Variants in FGGY observed in about 807,000 individuals in gnomAD.
FGGY encodes the protein FGGY carbohydrate kinase domain-containing protein.
Under a neutral mutation model 71.3 loss-of-function variants are expected in FGGY, and 72 were observed. The ratio of observed to expected loss-of-function variants is 1.01; its 90% CI spans 0.84 to 1.23. The LOEUF (loss-of-function observed/expected upper bound fraction) is 1.23, where lower values mean the gene tolerates loss of function less well. FGGY is among the 50% of genes most tolerant of loss of function. The probability of loss-of-function intolerance (pLI) is 0.00; values close to 1 mark genes in which losing one functional copy is unlikely to be tolerated. For synonymous variants in FGGY, 251 were observed against 250.3 expected (o/e 1.00, Z -0.02); for missense variants, 668 against 682.3 (o/e 0.98, Z 0.23).
intron 9 of FGGY, among the ~76,000 whole-genome samples, chr1:59,618,115 G>A (rs376959399): frequency 1.4e-3 from 217 of 152,112 alleles, no homozygotes; most frequent in African/African-American, 5.1e-3. Context: ...CCAAGAATAC[G>A]GTCACTCCAG....
chr1:59,531,551 C>G (rs1322904125), intron 7 of FGGY, among the ~76,000 whole-genome samples: 1 of 152,182 alleles, frequency 6.6e-6, no homozygotes, highest in Non-Finnish European at 1.5e-5. Flanking sequence ...CTGGGTTCAA[C>G]ATTTCCACCC....
chr1:59,664,355 C>CTT (rs2097304572), intron 12 of FGGY, among the ~76,000 whole-genome samples: 1 of 152,230 alleles, frequency 6.6e-6, no homozygotes, highest in Non-Finnish European at 1.5e-5. Flanking sequence ...AACCGCCAGA[C>CTT]TGAGTGGGAA....
At chr1:59,410,104 T>A (rs2063384478) in intron 5 of FGGY, among the ~76,000 whole-genome samples, 1 of 152,224 alleles carries the variant, frequency 6.6e-6, no homozygotes, top group African/African-American at 2.4e-5. Flanking sequence ...ATAGACATGG[T>A]AGATATGTGG....
chr1:59,497,170 A>G (rs1437223856), intron 6 of FGGY, among the ~76,000 whole-genome samples: 1 of 152,232 alleles, frequency 6.6e-6, no homozygotes, highest in Non-Finnish European at 1.5e-5. Context: ...AAACACAGAT[A>G]TGTAGACCCA....
At chr1:59,517,269 T>TC (rs2094686618) in intron 7 of FGGY, among the ~76,000 whole-genome samples, 1 of 135,160 alleles carries the variant, frequency 7.4e-6, no homozygotes, top group Non-Finnish European at 1.6e-5. Context: ...TTTTTTTTTT[T>TC]TTTTTTTTTT....
intron 8 of FGGY, among the ~76,000 whole-genome samples, chr1:59,558,487 G>A (rs2095730467): frequency 1.3e-5 from 2 of 152,078 alleles, no homozygotes; most frequent in Admixed American, 6.5e-5. Context: ...TTTTATTAAG[G>A]ATTTCAAAAG....
chr1:59,599,749 C>T (rs2096559398), intron 8 of FGGY, among the ~76,000 whole-genome samples: 1 of 150,554 alleles, frequency 6.6e-6, no homozygotes, highest in Non-Finnish European at 1.5e-5. Flanking sequence ...AGAGGGAGTG[C>T]CCTCTAATCA....
chr1:59,688,195 ACTC>A (rs1168357091), intron 14 of FGGY, among the ~76,000 whole-genome samples: 2 of 152,118 alleles, frequency 1.3e-5, no homozygotes, highest in African/African-American at 2.4e-5. Flanking sequence ...AGGAATAGGA[ACTC>A]CTCTTTCTTG....
At chr1:59,457,823 GA>G (rs1398161744) in intron 6 of FGGY, among the ~76,000 whole-genome samples, 1 of 152,190 alleles carries the variant, frequency 6.6e-6, no homozygotes, top group Admixed American at 6.5e-5. Flanking sequence ...GAAAAAAGCA[GA>G]AACTAGAACG....
intron 11 of FGGY, among the ~76,000 whole-genome samples, chr1:59,646,576 A>G (rs912942546): frequency 1.3e-5 from 2 of 151,448 alleles, no homozygotes; most frequent in Non-Finnish European, 2.9e-5. Flanking sequence ...AAATATATAT[A>G]TTTTACTGAA....
At chr1:59,702,318 A>T (rs541775839) in intron 14 of FGGY, among the ~76,000 whole-genome samples, 3 of 152,302 alleles carry the variant, frequency 2.0e-5, no homozygotes, top group African/African-American at 7.2e-5. Context: ...CACTATTCCA[A>T]ATTCTGCCCA....
At chr1:59,445,286 A>G (rs1046362381) in intron 5 of FGGY, among the ~76,000 whole-genome samples, 2 of 152,170 alleles carry the variant, frequency 1.3e-5, no homozygotes, top group African/African-American at 2.4e-5. Context: ...CCCTGGGCAC[A>G]TGCAGTTCTT....
chr1:59,333,964 C>G (rs1248302602), intron 2 of FGGY, among the ~76,000 whole-genome samples: 1 of 152,092 alleles, frequency 6.6e-6, no homozygotes, highest in Non-Finnish European at 1.5e-5. Context: ...GGATGAGTCT[C>G]TTGGGCAACA....
At chr1:59,568,992 G>GAA (rs540746042) in intron 8 of FGGY, among the ~76,000 whole-genome samples, 1 of 150,386 alleles carries the variant, frequency 6.6e-6, no homozygotes, top group Non-Finnish European at 1.5e-5. Context: ...AAAATACTCA[G>GAA]AAAAAAAAAG....
intron 4 of FGGY, among the ~76,000 whole-genome samples, chr1:59,370,004 C>A (rs901502203): frequency 1.3e-5 from 2 of 152,108 alleles, no homozygotes; most frequent in Non-Finnish European, 2.9e-5. Flanking sequence ...AAAAGCAGAG[C>A]CCCTCTCCTC....
chr1:59,603,298 A>G (rs1319310113), intron 8 of FGGY, among the ~76,000 whole-genome samples: 1 of 152,198 alleles, frequency 6.6e-6, no homozygotes, highest in African/African-American at 2.4e-5. Context: ...AAGTGTTAGC[A>G]TCTGAAAATA....
At chr1:59,314,645 G>A (rs910018072) in intron 1 of FGGY, among the ~76,000 whole-genome samples, 3 of 152,178 alleles carry the variant, frequency 2.0e-5, no homozygotes, top group Admixed American at 6.5e-5. Context: ...AGAATATGGT[G>A]ACCCTGATAT....
At chr1:59,682,241 G>A (rs1008191333) in intron 14 of FGGY, among the ~76,000 whole-genome samples, 1 of 152,196 alleles carries the variant, frequency 6.6e-6, no homozygotes, top group African/African-American at 2.4e-5. Flanking sequence ...CCAAACCAAA[G>A]ACTGTTCAGC....
At chr1:59,702,352 T>C (rs2097716941) in intron 14 of FGGY, among the ~76,000 whole-genome samples, 1 of 152,174 alleles carries the variant, frequency 6.6e-6, no homozygotes, top group Non-Finnish European at 1.5e-5. Context: ...GGCAGACTCA[T>C]ATGGAGACCT....
Sources: allele counts gnomAD v4.1 joint callset (sites outside exome capture counted in the v4.1 genomes callset), GRCh38; gene constraint gnomAD v4.1.1; transcripts MANE v1.5; gene names NCBI Gene and HGNC (gene_info 2026-07-23, HGNC 2026-07-21).